Variants in EBF1 observed in about 807,000 individuals in gnomAD.
The protein encoded by EBF1 is transcription factor COE1.
A neutral mutation model predicts 68.4 loss-of-function variants in EBF1; 10 were observed. The observed-to-expected ratio is 0.15, with a 90% CI of 0.09 to 0.25. The LOEUF is 0.25. EBF1 is among the 10% of genes least tolerant of loss of function. The probability of loss-of-function intolerance (pLI) is 1.00; values close to 1 mark genes in which losing one functional copy is unlikely to be tolerated. For missense variants in EBF1, 509 were observed against 794.4 expected (o/e 0.64, Z 4.32); for synonymous variants, 298 against 299.8 (o/e 0.99, Z 0.06).
chr5:158,915,841 A>G (rs1350130717), intron 6 of EBF1, among the ~76,000 whole-genome samples: 1 of 152,244 alleles, frequency 6.6e-6, no homozygotes, highest in East Asian at 1.9e-4. Context: ...ACAAAACTCA[A>G]TGCAACAATG....
At chr5:158,775,801 C>G (rs1323271392) in intron 10 of EBF1, among the ~76,000 whole-genome samples, 5 of 149,666 alleles carry the variant, frequency 3.3e-5, no homozygotes, top group African/African-American at 1.2e-4. Context: ...CACACACACA[C>G]ACACACACAC....
rs1208436089 is a variant in EBF1, at chr5:158,884,180, T to C, written c.555-44070A>G. Among the ~76,000 whole-genome samples the C allele has an allele frequency of 2.6e-5, 4 of 152,214 alleles. No homozygotes were observed. The East Asian group carries it at 7.7e-4, about 29-fold the overall frequency. On this transcript the variant is annotated intron_variant, in intron 6 of 15. Transcript: ENST00000313708. ...ACTTATTTTGGTTCAAAGAACAGAATAGCTGCTGTGACACTAAATCAAGTG... is the reference window on the plus strand; with the variant it reads ...ACTTATTTTGGTTCAAAGAACAGAACAGCTGCTGTGACACTAAATCAAGTG...
chr5:158,984,370 A>T lies in EBF1; in HGVS notation c.554+89026T>A, dbSNP rs1276468198. Among the ~76,000 whole-genome samples the T allele has an allele frequency of 2.0e-5, 3 of 152,144 alleles. No individual in the cohort carries two copies. The South Asian group carries it at 6.2e-4, about 31-fold the overall frequency. On this transcript the variant is annotated intron_variant, in intron 6 of 15. Coordinates refer to ENST00000313708, the MANE Select transcript of EBF1 (RefSeq NM_024007.5). ...TATACTTCATTTTTCCATTTTGTAG[A>T]TACTGACCTTTTTTTAGACTACTTT...
rs1768719703 is a variant in EBF1, at chr5:159,031,056, C to T, written c.554+42340G>A. On this transcript the variant is annotated intron_variant, in intron 6 of 15. Coordinates refer to ENST00000313708, the MANE Select transcript of EBF1 (RefSeq NM_024007.5). ...AGATGCAGTGGTGTGTGCCTGTAAT[C>T]CCAGCTACTCTGGAGGCTGAGGCAG... 2.0e-5 allele frequency among the ~76,000 whole-genome samples: 3 copies of T among 151,596 alleles called. No homozygotes were observed. In the Admixed American group the frequency reaches 2.0e-4, roughly 10 times the overall value.
At chr5:158,780,179 T>A (rs776515713) in intron 9 of EBF1, among the ~76,000 whole-genome samples, 70 of 152,230 alleles carry the variant, frequency 4.6e-4, no homozygotes, top group Non-Finnish European at 9.1e-4. Context: ...GGAATGCTAG[T>A]GATAGTTTAA....
At chr5:158,776,771 C>T (rs1252256788) in intron 10 of EBF1, among the ~76,000 whole-genome samples, 3 of 152,194 alleles carry the variant, frequency 2.0e-5, no homozygotes, top group South Asian at 2.1e-4. Context: ...TTGGTTTGCA[C>T]TTCACAATCT....
At chr5:159,063,115 A>G (rs1292901883) in intron 6 of EBF1, among the ~76,000 whole-genome samples, 1 of 152,180 alleles carries the variant, frequency 6.6e-6, no homozygotes, top group East Asian at 1.9e-4. Flanking sequence ...TTCTTTTCAC[A>G]AAAACAAGCC....
At chr5:158,837,647 G>A (rs537735874) in intron 7 of EBF1, among the ~76,000 whole-genome samples, 3 of 152,040 alleles carry the variant, frequency 2.0e-5, no homozygotes, top group Non-Finnish European at 4.4e-5. Context: ...AGACTAAATT[G>A]GTTTCTCATC....
chr5:158,758,313 G>C (rs1770599435), intron 10 of EBF1, among the ~76,000 whole-genome samples: 2 of 152,166 alleles, frequency 1.3e-5, no homozygotes, highest in African/African-American at 4.8e-5. Flanking sequence ...ACAGTCACAA[G>C]TTTGTATTTC....
At chr5:158,712,860 C>A in intron 13 of EBF1, 110 bp downstream of exon 13, 2 of 1,100,018 alleles carry the variant, frequency 1.8e-6, no homozygotes, top group Non-Finnish European at 2.4e-6. Flanking sequence ...AACTAAGAAT[C>A]TCCCTTTTGG....
At chr5:158,890,778 T>A (rs1288375914) in intron 6 of EBF1, among the ~76,000 whole-genome samples, 1 of 152,222 alleles carries the variant, frequency 6.6e-6, no homozygotes, top group Non-Finnish European at 1.5e-5. Context: ...TGGGAATGGA[T>A]CACTTTTGAA....
At chr5:158,704,920 G>C (rs925936366) in intron 15 of EBF1, among the ~76,000 whole-genome samples, 1 of 152,198 alleles carries the variant, frequency 6.6e-6, no homozygotes, top group Non-Finnish European at 1.5e-5. Context: ...TTCTCCATCC[G>C]TATGTCCATC....
At chr5:158,994,055 A>G (rs13159303) in intron 6 of EBF1, among the ~76,000 whole-genome samples, 36,286 of 152,090 alleles carry the variant, frequency 0.24, 4,664 homozygotes, top group Non-Finnish European at 0.27. Context: ...GGGTTCTCCT[A>G]TCTCATTCTA....
At chr5:159,003,939 G>A (rs1436865427) in intron 6 of EBF1, among the ~76,000 whole-genome samples, 1 of 152,176 alleles carries the variant, frequency 6.6e-6, no homozygotes, top group East Asian at 1.9e-4. Context: ...AATGTTGGGA[G>A]AATTTCTATC....
chr5:158,976,394 C>T (rs1756761709), intron 6 of EBF1, among the ~76,000 whole-genome samples: 1 of 151,908 alleles, frequency 6.6e-6, no homozygotes, highest in Non-Finnish European at 1.5e-5. Flanking sequence ...TGCAAACCCA[C>T]AATAAATCAC....
At chr5:159,014,309 T>C (rs938547000) in intron 6 of EBF1, among the ~76,000 whole-genome samples, 4 of 152,232 alleles carry the variant, frequency 2.6e-5, no homozygotes, top group Non-Finnish European at 5.9e-5. Flanking sequence ...CATGTTTCTC[T>C]AGTGACTATG....
chr5:159,098,150 G>C (rs1371193685), intron 1 of EBF1, among the ~76,000 whole-genome samples: 1 of 152,190 alleles, frequency 6.6e-6, no homozygotes, highest in Non-Finnish European at 1.5e-5. Flanking sequence ...AGTCCGATAG[G>C]GCCTGGGGCC....
At chr5:158,860,718 G>A (rs1794817644) in intron 6 of EBF1, among the ~76,000 whole-genome samples, 1 of 152,206 alleles carries the variant, frequency 6.6e-6, no homozygotes, top group Non-Finnish European at 1.5e-5. Flanking sequence ...GACATTTTCT[G>A]ATGGCTCAGA....
chr5:158,805,645 T>G (rs1336272748), intron 8 of EBF1, among the ~76,000 whole-genome samples: 3 of 152,042 alleles, frequency 2.0e-5, no homozygotes, highest in Middle Eastern at 6.3e-3. Context: ...AATCTACTTT[T>G]TTGTTAGAGG....
Sources: allele counts gnomAD v4.1 joint callset (sites outside exome capture counted in the v4.1 genomes callset), GRCh38; gene constraint gnomAD v4.1.1; transcripts MANE v1.5; gene names NCBI Gene and HGNC (gene_info 2026-07-23, HGNC 2026-07-21).